The following ZBTB16 variants were observed in gnomAD, a reference collection of about 807,000 sequenced individuals.
The protein encoded by ZBTB16 is zinc finger and BTB domain containing 16.
In ZBTB16, 8 loss-of-function variants were observed where a neutral mutation model predicts 56.8. The ratio of observed to expected loss-of-function variants is 0.14; its 90% confidence interval spans 0.08 to 0.25. ZBTB16 has a LOEUF of 0.25. Among genes scored for constraint, ZBTB16 ranks in the 10% least tolerant of loss-of-function variants. ZBTB16 has a pLI of 1.00. For synonymous variants in ZBTB16, 363 were observed against 368.5 expected (o/e 0.98, Z 0.17); for missense variants, 625 against 903.0 (o/e 0.69, Z 3.95).
chr11:114,254,642 A>C lies in ZBTB16; in HGVS notation c.*4087A>C, dbSNP rs895753117. Among the ~76,000 whole-genome samples the C allele has an allele frequency of 6.6e-6, 1 of 152,158 alleles. No individual in the cohort carries two copies. The highest frequency in any genetic ancestry group is 1.5e-5 in the Non-Finnish European group (1 of 68,024). Reference sequence around the variant, plus strand: ...GGGGGCGCACCAGGATGTGAGACAGAAAAGCAGAAGATGAGACTCTGTTCA... The same window carrying C: ...GGGGGCGCACCAGGATGTGAGACAGCAAAGCAGAAGATGAGACTCTGTTCA... On this transcript the variant is annotated 3_prime_UTR_variant, in exon 7 of 7. Coordinates refer to ENST00000335953, the MANE Select transcript of ZBTB16 (RefSeq NM_006006.6).
At chr11:114,095,910 T>C (rs1940389474) in intron 2 of ZBTB16, among the ~76,000 whole-genome samples, 1 of 152,186 alleles carries the variant, frequency 6.6e-6, no homozygotes, top group Admixed American at 6.5e-5. Context: ...TTTTTAAATG[T>C]TTCAAGTGTA....
chr11:114,197,871 A>G (rs2135093741), intron 4 of ZBTB16, among the ~76,000 whole-genome samples: 1 of 152,210 alleles, frequency 6.6e-6, no homozygotes, highest in African/African-American at 2.4e-5. Flanking sequence ...GGCACGAGGG[A>G]CAGTGCTGGG....
chr11:114,123,332 C>A (rs1164499592), intron 2 of ZBTB16, among the ~76,000 whole-genome samples: 1 of 152,098 alleles, frequency 6.6e-6, no homozygotes, highest in East Asian at 1.9e-4. Context: ...CAGAAGGAGA[C>A]CAGTGCAGAT....
chr11:114,252,311 T>C lies in ZBTB16; in HGVS notation c.*1756T>C, dbSNP rs1453655162. Among the ~76,000 whole-genome samples, 1 of 149,904 alleles carries C rather than the reference T, an allele frequency of 6.7e-6. No individual in the cohort carries two copies. Among genetic ancestry groups the C allele is most frequent in the African/African-American group, 2.5e-5 (1 of 40,756 alleles). ...GGGCCTGTGTTTGGATCCTTGCAAC[T>C]GTGTGGTCTCACCTCTGTGCGTGCA... On this transcript the variant is annotated 3_prime_UTR_variant, in exon 7 of 7. Transcript: ENST00000335953.
chr11:114,071,809 A>G (rs1434983967), intron 2 of ZBTB16, among the ~76,000 whole-genome samples: 2 of 152,150 alleles, frequency 1.3e-5, no homozygotes, highest in Non-Finnish European at 2.9e-5. Context: ...AGTAGTAAGA[A>G]ATTTGCTACA....
intron 2 of ZBTB16, among the ~76,000 whole-genome samples, chr11:114,075,129 A>T (rs1269068175): frequency 6.6e-6 from 1 of 152,110 alleles, no homozygotes; most frequent in African/African-American, 2.4e-5. Flanking sequence ...TTTTTCTTGC[A>T]TTCTTGCAGC....
chr11:114,119,834 G>A (rs749054830), intron 2 of ZBTB16, among the ~76,000 whole-genome samples: 6 of 152,238 alleles, frequency 3.9e-5, no homozygotes, highest in Non-Finnish European at 7.3e-5. Context: ...TTTACCTGGT[G>A]TCACACAGCT....
chr11:114,210,591 G>A (rs926715985), intron 4 of ZBTB16: 12 of 229,316 alleles, frequency 5.2e-5, no homozygotes, highest in Non-Finnish European at 8.6e-5. Flanking sequence ...TGAAACAAAA[G>A]CATTATCAAA....
At chr11:114,179,749 GC>G (rs1428003784) in intron 3 of ZBTB16, among the ~76,000 whole-genome samples, 1 of 151,604 alleles carries the variant, frequency 6.6e-6, no homozygotes, top group Non-Finnish European at 1.5e-5. Context: ...ATTGGCTTCT[GC>G]CTTATTTCCT....
intron 2 of ZBTB16, among the ~76,000 whole-genome samples, chr11:114,117,821 T>G (rs1941218929): frequency 6.6e-6 from 1 of 152,234 alleles, no homozygotes; most frequent in Admixed American, 6.5e-5. Context: ...GAGAAGTATC[T>G]TAATTTCCTG....
At chr11:114,167,216 G>GTTTTTTTTTTGTTGTT (rs1942782986) in intron 3 of ZBTB16, among the ~76,000 whole-genome samples, 9 of 79,940 alleles carry the variant, frequency 1.1e-4, no homozygotes, top group African/African-American at 2.6e-4. Flanking sequence ...TGGATTTGTG[G>GTTTTTTTTTTGTTGTT]TTTTTTTTTT....
At chr11:114,227,558 G>A (rs865983520) in intron 4 of ZBTB16, among the ~76,000 whole-genome samples, 1 of 152,162 alleles carries the variant, frequency 6.6e-6, no homozygotes, top group Non-Finnish European at 1.5e-5. Context: ...AAGTGAGGTC[G>A]CAGCTCTCAT....
rs1321125423 is a variant in ZBTB16, at chr11:114,060,559, T to C, written c.-91+677T>C. On this transcript the variant is annotated intron_variant, in intron 1 of 6. Transcript: ENST00000335953. This position sits in a 1 kb window ranked among gnomAD's most constrained non-coding sequence, Gnocchi z 6.0. ...GCGGGACCGGCGGTGACACCGGAGC[T>C]CGCCGTGCGCTCCCGGCCGCTCTCG... The C allele has an allele frequency of 2.0e-5, 3 of 151,584 alleles. No individual in the cohort carries two copies. The highest frequency in any genetic ancestry group is 7.3e-5 in the African/African-American group (3 of 41,204). The allele number at this position is 151,584 out of a possible 1,614,324, so 9.4% of individuals were successfully genotyped here.
intron 4 of ZBTB16, among the ~76,000 whole-genome samples, chr11:114,205,395 G>A (rs951394218): frequency 6.7e-6 from 1 of 150,306 alleles, no homozygotes; most frequent in Non-Finnish European, 1.5e-5. Flanking sequence ...GGGTGACAGA[G>A]TGAGACTCCG....
At chr11:114,173,032 G>A (rs1305188050) in intron 3 of ZBTB16, among the ~76,000 whole-genome samples, 3 of 152,126 alleles carry the variant, frequency 2.0e-5, no homozygotes, top group Non-Finnish European at 1.5e-5. Context: ...TGGTGCAGGG[G>A]GTAAGGAAGC....
At chr11:114,188,966 G>A (rs1943430623) in intron 4 of ZBTB16, 1 of 152,214 alleles carries the variant, frequency 6.6e-6, no homozygotes, top group Non-Finnish European at 1.5e-5. Context: ...CAAAGGGAGT[G>A]AGCATTTGCA....
chr11:114,144,546 G>A (rs956001829), intron 2 of ZBTB16, among the ~76,000 whole-genome samples: 15 of 152,200 alleles, frequency 9.9e-5, no homozygotes, highest in Non-Finnish European at 2.2e-4. Context: ...AGAAAAAGAA[G>A]TTTGGGGAGC....
chr11:114,153,042 G>T (rs1319584214), intron 2 of ZBTB16, among the ~76,000 whole-genome samples: 1 of 152,190 alleles, frequency 6.6e-6, no homozygotes, highest in Non-Finnish European at 1.5e-5. Flanking sequence ...TTGCACTTTT[G>T]CTCCAGGAAT....
intron 4 of ZBTB16, chr11:114,188,481 T>C (rs1227723458): frequency 6.6e-6 from 1 of 152,246 alleles, no homozygotes; most frequent in Non-Finnish European, 1.5e-5. Flanking sequence ...TGGAGTAATA[T>C]TAGTGTCTAC....
Sources: allele counts gnomAD v4.1 joint callset (sites outside exome capture counted in the v4.1 genomes callset), GRCh38; gene constraint gnomAD v4.1.1; non-coding constraint Gnocchi (gnomAD v3.1); transcripts MANE v1.5; gene names NCBI Gene and HGNC (gene_info 2026-07-23, HGNC 2026-07-21).